Variants in CATSPERE observed in about 807,000 individuals in gnomAD.
CATSPERE encodes the protein catsper channel auxiliary subunit epsilon.
A neutral mutation model predicts 114.1 loss-of-function variants in CATSPERE; 93 were observed. That is an observed-to-expected ratio of 0.81 (90% CI 0.69 to 0.97). CATSPERE has a LOEUF of 0.97. CATSPERE is among the 50% of genes least tolerant of loss of function. CATSPERE has a pLI of 0.00. For synonymous variants in CATSPERE, 341 were observed against 384.1 expected (o/e 0.89, Z 1.31); for missense variants, 1,058 against 1,131.6 (o/e 0.93, Z 0.93).
chr1:244,554,706 C>T (rs1357510318), intron 9 of CATSPERE, among the ~76,000 whole-genome samples: 1 of 69,474 alleles, frequency 1.4e-5, no homozygotes, highest in Non-Finnish European at 2.8e-5. Flanking sequence ...GACCTTTGCC[C>T]ACTTTTAAAT....
chr1:244,526,042 A>C (rs922604414), intron 8 of CATSPERE, among the ~76,000 whole-genome samples: 1 of 152,194 alleles, frequency 6.6e-6, no homozygotes, highest in Non-Finnish European at 1.5e-5. Context: ...ACAAGTCTGC[A>C]CTCAATGTGA....
At chr1:244,635,724 TC>T (rs548834277) in intron 21 of CATSPERE, among the ~76,000 whole-genome samples, 182 bp downstream of exon 21, 23 of 152,154 alleles carry the variant, frequency 1.5e-4, no homozygotes, top group Non-Finnish European at 2.8e-4. Flanking sequence ...TGCAAATGAA[TC>T]CTAAAACAAC....
intron 8 of CATSPERE, among the ~76,000 whole-genome samples, chr1:244,545,160 A>C (rs1346719813): frequency 6.6e-6 from 1 of 152,192 alleles, no homozygotes; most frequent in Non-Finnish European, 1.5e-5. Context: ...TGAAGAAAAA[A>C]TCCAACTCAA....
intron 7 of CATSPERE, among the ~76,000 whole-genome samples, chr1:244,499,868 G>A (rs1673748848): frequency 6.6e-6 from 1 of 152,114 alleles, no homozygotes; most frequent in Non-Finnish European, 1.5e-5. Flanking sequence ...CCACTAATGG[G>A]ATTGCTGGGT....
intron 17 of CATSPERE, among the ~76,000 whole-genome samples, chr1:244,600,371 A>AAAAG (rs1553378519): frequency 3.4e-5 from 5 of 145,052 alleles, no homozygotes; most frequent in African/African-American, 5.0e-5. Flanking sequence ...AAAAAAAAAA[A>AAAAG]AGAGAGAGAG....
chr1:244,484,344 T>C (rs1670683502), intron 5 of CATSPERE, among the ~76,000 whole-genome samples: 1 of 152,126 alleles, frequency 6.6e-6, no homozygotes, highest in African/African-American at 2.4e-5. Context: ...AGACCGTATA[T>C]GGAGAAGCAA....
At chr1:244,455,384 T>C (rs1344461369) in intron 1 of CATSPERE, among the ~76,000 whole-genome samples, 1 of 152,202 alleles carries the variant, frequency 6.6e-6, no homozygotes, top group African/African-American at 2.4e-5. Flanking sequence ...CACCTGTGTG[T>C]CCATGGTTAT....
At chr1:244,627,052 T>C (rs1673289013) in intron 20 of CATSPERE, among the ~76,000 whole-genome samples, 1 of 152,236 alleles carries the variant, frequency 6.6e-6, no homozygotes, top group Admixed American at 6.5e-5. Context: ...GTGAGAGACA[T>C]GTGCCTCTTC....
chr1:244,463,816 G>A, intron 1 of CATSPERE, 92 bp from the exon 2 acceptor site: 1 of 1,136,058 alleles, frequency 8.8e-7, no homozygotes, highest in Non-Finnish European at 1.3e-6. Flanking sequence ...TGACACTCCT[G>A]GCAGCCCAGC....
intron 19 of CATSPERE, among the ~76,000 whole-genome samples, chr1:244,614,435 G>T (rs1671120935): frequency 1.3e-5 from 2 of 152,336 alleles, no homozygotes; most frequent in South Asian, 4.1e-4. Flanking sequence ...TTCTCTGAAA[G>T]TTCCTTGACA....
chr1:244,591,926 C>T (rs1667770198), intron 15 of CATSPERE, among the ~76,000 whole-genome samples, 195 bp downstream of exon 15: 1 of 152,156 alleles, frequency 6.6e-6, no homozygotes, highest in South Asian at 2.1e-4. Flanking sequence ...CAGTCTTCCC[C>T]CTTCAATTTA....
At position 244,561,002 on chromosome 1, in the gene CATSPERE, T is replaced by G; in HGVS notation, c.1364T>G (p.Leu455Arg). The G allele has an allele frequency of 1.2e-6, 2 of 1,613,920 alleles. No individual in the cohort carries two copies. Among genetic ancestry groups the G allele is most frequent in the Non-Finnish European group, 1.7e-6 (2 of 1,179,792 alleles). The stretch of plus-strand genomic sequence containing the variant: ...ATGCCACATTTTACATTTTCAGCAC[T>G]GCCAGGATTACTGCTATGGAACAAG... ...VTMPHFTFSALPGLLLWNKHS... is the reference protein window; with the variant it reads ...VTMPHFTFSARPGLLLWNKHS... The change falls in exon 10 of 22, where the codon CTG becomes CGG. Residue 455 changes from leucine to arginine, a missense_variant. Around this residue, in one of 2 missense-constraint regions of CATSPERE, gnomAD observed 787 missense variants for 905.6 expected, o/e 0.87. Coordinates refer to ENST00000366534, the MANE Select transcript of CATSPERE (RefSeq NM_001130957.2).
intron 8 of CATSPERE, among the ~76,000 whole-genome samples, chr1:244,541,310 GA>G (rs1483032272): frequency 6.8e-6 from 1 of 148,136 alleles, no homozygotes; most frequent in Non-Finnish European, 1.5e-5. Flanking sequence ...AAATTTACAA[GA>G]AAAAAACAAA....
chr1:244,539,162 A>G (rs1305198869), intron 8 of CATSPERE, among the ~76,000 whole-genome samples: 3 of 151,992 alleles, frequency 2.0e-5, no homozygotes, highest in Non-Finnish European at 4.4e-5. Flanking sequence ...TACCTAATTT[A>G]TTGAGAGTTT....
Position 244,628,690 on chromosome 1 carries a change from C to T in CATSPERE, c.2649-6799C>T, listed in dbSNP as rs1407019636. On this transcript the variant is annotated intron_variant, in intron 20 of 21. Transcript: ENST00000366534. ...CTATTAGGAAAAGTGGGAAAATTAT[C>T]GTACTTGAAGATTTTTATGCTCGGA... Among the ~76,000 whole-genome samples the T allele has an allele frequency of 2.6e-5, 4 of 152,190 alleles. No homozygotes were observed. The South Asian group carries it at 6.2e-4, about 24-fold the overall frequency.
At chr1:244,611,050 G>C (rs571995625) in intron 19 of CATSPERE, among the ~76,000 whole-genome samples, 1 of 152,072 alleles carries the variant, frequency 6.6e-6, no homozygotes, top group South Asian at 2.1e-4. Flanking sequence ...GTGAGCCACC[G>C]CACCCAGCCT....
intron 11 of CATSPERE, among the ~76,000 whole-genome samples, chr1:244,574,140 T>C (rs1416079898): frequency 6.6e-6 from 1 of 152,138 alleles, no homozygotes; most frequent in Non-Finnish European, 1.5e-5. Flanking sequence ...TTTAAAACTT[T>C]CCTAAATAGG....
chr1:244,527,983 T>C (rs1363076830), intron 8 of CATSPERE, among the ~76,000 whole-genome samples: 1 of 152,194 alleles, frequency 6.6e-6, no homozygotes, highest in Non-Finnish European at 1.5e-5. Flanking sequence ...ACTTTTAAGT[T>C]CAGGGATACA....
Position 244,490,443 on chromosome 1 carries a change from G to A in CATSPERE, c.327-4G>A. The A allele has an allele frequency of 6.5e-7, 1 of 1,536,590 alleles. No individual in the cohort carries two copies. Among genetic ancestry groups the A allele is most frequent in the Non-Finnish European group, 9.0e-7 (1 of 1,116,426 alleles). On this transcript the variant is annotated splice_region_variant and splice_polypyrimidine_tract_variant and intron_variant, in intron 5 of 21. Coordinates refer to ENST00000366534, the MANE Select transcript of CATSPERE (RefSeq NM_001130957.2). ...TAAAATATGTTTCCTCTTTTTCCAAGCAGACATTTCTTTAACAACTTTACC... is the reference window on the plus strand; with the variant it reads ...TAAAATATGTTTCCTCTTTTTCCAAACAGACATTTCTTTAACAACTTTACC...
Sources: gnomAD v4.1 joint callset for allele counts (sites outside exome capture counted in the v4.1 genomes callset) on GRCh38, gnomAD v4.1.1 for gene constraint, gnomAD v4.1.1 regional missense constraint, MANE v1.5 for transcripts, NCBI Gene and HGNC (gene_info 2026-07-23, HGNC 2026-07-21) for gene names.